The following RBFOX3 variants were observed in gnomAD, a reference collection of about 807,000 sequenced individuals.
RBFOX3 encodes the protein RNA binding fox-1 homolog 3.
A neutral mutation model predicts 48.7 loss-of-function variants in RBFOX3; 17 were observed. The observed-to-expected ratio is 0.35, with a 90% CI of 0.24 to 0.52. The LOEUF (loss-of-function observed/expected upper bound fraction) is 0.52. RBFOX3 is among the 20% of genes least tolerant of loss of function. RBFOX3 has a pLI of 0.94. For synonymous variants in RBFOX3, 212 were observed against 209.5 expected (o/e 1.01, Z -0.10); for missense variants, 382 against 497.5 (o/e 0.77, Z 2.21).
At chr17:79,244,225 C>T (rs906197031) in intron 3 of RBFOX3, among the ~76,000 whole-genome samples, 12 of 152,152 alleles carry the variant, frequency 7.9e-5, no homozygotes, top group African/African-American at 2.9e-4. Context: ...GAGAGACACG[C>T]ATTGGGTGAG....
intron 4 of RBFOX3, among the ~76,000 whole-genome samples, chr17:79,215,180 C>A (rs2058866128): frequency 6.6e-6 from 1 of 152,182 alleles, no homozygotes; most frequent in South Asian, 2.1e-4. Context: ...AGGTGCTGGC[C>A]CCCGCAGGGC....
rs1415006707 is a variant in RBFOX3 at position 79,362,367 on chromosome 17, G to A, written c.-174-54543C>T. Among the ~76,000 whole-genome samples the A allele has an allele frequency of 5.3e-5, 8 of 152,190 alleles. No individual in the cohort carries two copies. The highest frequency in any genetic ancestry group is 3.9e-4 in the Admixed American group (6 of 15,288). On this transcript the variant is annotated intron_variant, in intron 2 of 14. Coordinates refer to ENST00000693108, the MANE Select transcript of RBFOX3 (RefSeq NM_001350451.2). The surrounding 1 kb of genome is among the most constrained non-coding windows in gnomAD (Gnocchi z 4.2). ...GCGTCTGCGTAGGACGGTGGGAGAGGCTGAGTGCAGCGTCTTTCAGAGCCA... is the reference window on the plus strand; with the variant it reads ...GCGTCTGCGTAGGACGGTGGGAGAGACTGAGTGCAGCGTCTTTCAGAGCCA...
At chr17:79,608,222 C>A (rs1388332425) in intron 1 of RBFOX3, among the ~76,000 whole-genome samples, 1 of 152,238 alleles carries the variant, frequency 6.6e-6, no homozygotes, top group Non-Finnish European at 1.5e-5. Context: ...TCGACATCCG[C>A]CTCTGGTCCC....
chr17:79,116,623 A>G (rs1329370186), intron 4 of RBFOX3, among the ~76,000 whole-genome samples: 1 of 152,268 alleles, frequency 6.6e-6, no homozygotes, highest in African/African-American at 2.4e-5. Flanking sequence ...AGCTGAACTC[A>G]GGGCCTCCTG....
intron 2 of RBFOX3, among the ~76,000 whole-genome samples, chr17:79,437,341 C>T (rs2069730100): frequency 6.6e-6 from 1 of 152,204 alleles, no homozygotes; most frequent in Non-Finnish European, 1.5e-5. Context: ...CCCCTGCCCA[C>T]CCGCTCCTCC....
chr17:79,512,450 C>T (rs2149873130), intron 1 of RBFOX3, among the ~76,000 whole-genome samples: 1 of 135,712 alleles, frequency 7.4e-6, no homozygotes, highest in Non-Finnish European at 1.6e-5. Context: ...GAGTACAGTC[C>T]TATAGCCAGG....
intron 1 of RBFOX3, among the ~76,000 whole-genome samples, chr17:79,568,471 A>C (rs2144461829): frequency 6.6e-6 from 1 of 152,312 alleles, no homozygotes; most frequent in South Asian, 2.1e-4. Flanking sequence ...AAAATAAAAA[A>C]AAAATCCAAA....
At chr17:79,269,154 C>T (rs2067239616) in intron 3 of RBFOX3, among the ~76,000 whole-genome samples, 2 of 152,236 alleles carry the variant, frequency 1.3e-5, no homozygotes, top group African/African-American at 4.8e-5. Flanking sequence ...AGGAAGAAGG[C>T]ATGGGAGGGC....
intron 1 of RBFOX3, among the ~76,000 whole-genome samples, chr17:79,488,487 C>A (rs2079997381): frequency 6.6e-6 from 1 of 152,198 alleles, no homozygotes; most frequent in South Asian, 2.1e-4. Flanking sequence ...TGCTACACTC[C>A]ATTCTCTGCA....
At chr17:79,302,051 C>T (rs923375096) in intron 3 of RBFOX3, among the ~76,000 whole-genome samples, 3 of 152,142 alleles carry the variant, frequency 2.0e-5, no homozygotes, top group African/African-American at 4.8e-5. Context: ...GTGATGTTTG[C>T]ACAACAATGC....
the RBFOX3 span, among the ~76,000 whole-genome samples, chr17:79,623,119 G>T: frequency 6.6e-6 from 1 of 152,194 alleles, no homozygotes; most frequent in Non-Finnish European, 1.5e-5. Context: ...CTGAAGAAGA[G>T]ACTGCCTCCA....
intron 4 of RBFOX3, among the ~76,000 whole-genome samples, chr17:79,128,169 C>A (rs991848258): frequency 1.3e-5 from 2 of 152,204 alleles, no homozygotes; most frequent in Non-Finnish European, 1.5e-5. Flanking sequence ...AGGGGTCCCC[C>A]ACTTGGCCTC....
At chr17:79,124,999 G>A (rs971395697) in intron 4 of RBFOX3, among the ~76,000 whole-genome samples, 11 of 152,350 alleles carry the variant, frequency 7.2e-5, no homozygotes, top group African/African-American at 2.6e-4. Context: ...CGGGCCTGGC[G>A]TGGTGATGGC....
intron 2 of RBFOX3, among the ~76,000 whole-genome samples, chr17:79,347,631 A>G (rs1258308697): frequency 6.6e-6 from 1 of 152,030 alleles, no homozygotes; most frequent in Non-Finnish European, 1.5e-5. Context: ...TCAGTTATTT[A>G]TTCTAGTACT....
rs189535977 is a variant in RBFOX3 at position 79,257,258 on chromosome 17, C to T, written c.-73-21453G>A. On this transcript the variant is annotated intron_variant, in intron 3 of 14. Transcript: ENST00000693108. ...CAGTCCTTCCCCAAGCCCCGAGCCCCGGGAGGTTTGTGCGGTTCCAGAGAC... is the reference window on the plus strand; with the variant it reads ...CAGTCCTTCCCCAAGCCCCGAGCCCTGGGAGGTTTGTGCGGTTCCAGAGAC... Among the ~76,000 whole-genome samples, 17 of 152,330 alleles carry T rather than the reference C, an allele frequency of 1.1e-4. No individual in the cohort carries two copies. In the East Asian group the frequency reaches 1.5e-3, roughly 14 times the overall value.
upstream of RBFOX3, among the ~76,000 whole-genome samples, chr17:79,612,125 G>C (rs1220376841): frequency 6.6e-6 from 1 of 152,182 alleles, no homozygotes; most frequent in Non-Finnish European, 1.5e-5. Flanking sequence ...GGGCAAGAAG[G>C]TCTGGACGGT....
intron 1 of RBFOX3, among the ~76,000 whole-genome samples, chr17:79,507,760 A>T (rs1377012565): frequency 6.6e-6 from 1 of 152,104 alleles, no homozygotes; most frequent in Non-Finnish European, 1.5e-5. Context: ...TCTAATGACC[A>T]CCCCAAAGGG....
chr17:79,229,811 C>T (rs981338424), intron 4 of RBFOX3, among the ~76,000 whole-genome samples: 1 of 152,166 alleles, frequency 6.6e-6, no homozygotes, highest in Admixed American at 6.5e-5. Flanking sequence ...CCACTTCCAA[C>T]GTGGGCCTGG....
intron 1 of RBFOX3, among the ~76,000 whole-genome samples, chr17:79,500,160 A>G (rs907907): frequency 0.97 from 147,295 of 152,248 alleles, 71,291 homozygotes; most frequent in Middle Eastern, 0.99. Flanking sequence ...GGAGCAGGGC[A>G]ACTGAATCAA....
Sources: allele counts gnomAD v4.1 joint callset (sites outside exome capture counted in the v4.1 genomes callset), GRCh38; gene constraint gnomAD v4.1.1; non-coding constraint Gnocchi (gnomAD v3.1); transcripts MANE v1.5; gene names NCBI Gene and HGNC (gene_info 2026-07-23, HGNC 2026-07-21).